The following PYGB variants were observed in gnomAD, a reference collection of about 807,000 sequenced individuals.
PYGB encodes the protein glycogen phosphorylase B, also known as glycogen phosphorylase, brain form.
A neutral mutation model predicts 94.3 loss-of-function variants in PYGB; 82 were observed. The observed-to-expected ratio is 0.87, with a 90% CI of 0.73 to 1.04. The LOEUF (loss-of-function observed/expected upper bound fraction) is 1.04. Among genes scored for constraint, PYGB ranks in the 50% least tolerant of loss-of-function variants. PYGB has a pLI of 0.00. For synonymous variants in PYGB, 488 were observed against 479.1 expected, an observed-to-expected ratio of 1.02 and a Z score of -0.24; for missense variants, 1,132 against 1,158.2, an observed-to-expected ratio of 0.98 and a Z score of 0.33.
In PYGB at chr20:25,281,132, G is replaced by A. The variant is rs182090304; in HGVS notation, c.1403+20G>A. ...GTCGGTGTGAGTGGGGCGCTTGCCC[G>A]AGCGGGGCCAGCTCTGTCTGACACC... is the stretch of plus-strand genomic sequence containing the variant. On this transcript the variant is annotated intron_variant, in intron 11 of 19. Transcript: ENST00000216962. 8 of 1,613,192 alleles carry A rather than the reference G, an allele frequency of 5.0e-6. No homozygotes were observed. In the Admixed American group the frequency reaches 5.0e-5, roughly 10 times the overall value.
chr20:25,253,490 A>G (rs906407361), intron 1 of PYGB, among the ~76,000 whole-genome samples: 3 of 151,898 alleles, frequency 2.0e-5, no homozygotes, highest in African/African-American at 7.3e-5. Flanking sequence ...GGTCTCTATT[A>G]AAAATACAAA....
At position 25,296,753 on chromosome 20, in the gene PYGB, G is replaced by T. The variant is rs2088553487; in HGVS notation, c.*231G>T. 1 of 578,346 alleles carries T rather than the reference G, an allele frequency of 1.7e-6. No individual in the cohort carries two copies. The highest frequency in any genetic ancestry group is 2.9e-6 in the Non-Finnish European group (1 of 341,884). The allele number at this position is 578,346 out of a possible 1,614,324, so 35.8% of individuals were successfully genotyped here. A position where few individuals can be genotyped will look rare whatever the true frequency, so the allele number is the denominator to read the frequency against. On this transcript the variant is annotated 3_prime_UTR_variant, in exon 20 of 20. Transcript: ENST00000216962. ...GGAAGCCAGAGTTGACAGTACAAAGGGTCGTGGCCAGCCCTGCAGCTTCAG... is the reference window on the plus strand; with the variant it reads ...GGAAGCCAGAGTTGACAGTACAAAGTGTCGTGGCCAGCCCTGCAGCTTCAG...
chr20:25,294,038 A>G (rs2088501043), intron 17 of PYGB, 120 bp from the exon 18 acceptor site: 2 of 1,378,526 alleles, frequency 1.5e-6, no homozygotes, highest in Non-Finnish European at 9.9e-7. Flanking sequence ...TGGACCGTGC[A>G]GGCCTTGAGC....
intron 13 of PYGB, 148 bp from the exon 14 acceptor site, chr20:25,283,954 TGG>T (rs2088393235): frequency 3.5e-6 from 3 of 856,494 alleles, no homozygotes; most frequent in Non-Finnish European, 5.3e-6. Flanking sequence ...AGAAGACCCC[TGG>T]TGCAATCTCT....
chr20:25,271,131 C>T (rs2123548898), intron 3 of PYGB, among the ~76,000 whole-genome samples: 1 of 152,292 alleles, frequency 6.6e-6, no homozygotes, highest in African/African-American at 2.4e-5. Context: ...GGTTCCAGGC[C>T]TGGCCGAGTT....
At chr20:25,292,210 G>A (rs6107023) in intron 16 of PYGB, among the ~76,000 whole-genome samples, 196 bp from the exon 17 acceptor site, 1 of 152,178 alleles carries the variant, frequency 6.6e-6, no homozygotes, top group Admixed American at 6.5e-5. Flanking sequence ...TCACGAAGGG[G>A]AGCCCTGCAG....
At chr20:25,283,363 A>T in intron 13 of PYGB, 86 bp downstream of exon 13, 5 of 1,203,042 alleles carry the variant, frequency 4.2e-6, no homozygotes, top group Non-Finnish European at 5.9e-6. Context: ...CTACAGGCCC[A>T]GCACAGGTCC....
chr20:25,262,121 A>G lies in PYGB; in HGVS notation c.345+2783A>G, dbSNP rs2092914897. Reference sequence around the variant, plus strand: ...AGGCCAACACTCAAATACAGGAAATACAGAAAACGCCACAAAGATACTCCT... The same window carrying G: ...AGGCCAACACTCAAATACAGGAAATGCAGAAAACGCCACAAAGATACTCCT... On this transcript the variant is annotated intron_variant, in intron 2 of 19. Transcript: ENST00000216962. Among the ~76,000 whole-genome samples the G allele has an allele frequency of 3.3e-5, 5 of 152,210 alleles. No individual in the cohort carries two copies. The South Asian group carries it at 1.0e-3, about 32-fold the overall frequency.
chr20:25,280,238 C>G, intron 9 of PYGB, 28 bp from the exon 10 acceptor site: 1 of 1,607,484 alleles, frequency 6.2e-7, no homozygotes, highest in Non-Finnish European at 8.5e-7. Flanking sequence ...TCTAAACAAA[C>G]ACATGGGAAC....
intron 1 of PYGB, among the ~76,000 whole-genome samples, chr20:25,256,386 T>TA (rs796327825): frequency 0.018 from 2,528 of 140,250 alleles, 49 homozygotes; most frequent in African/African-American, 0.053. Context: ...TAAACTCTGT[T>TA]AAAAAAAAAA....
At chr20:25,295,037 TAAAG>T (rs775751716) in intron 18 of PYGB, 15 of 1,614,190 alleles carry the variant, frequency 9.3e-6, no homozygotes, top group Non-Finnish European at 1.3e-5. Flanking sequence ...AGGTCTGTGA[TAAAG>T]GAAGTGCTTT....
chr20:25,278,042 G>A (rs1156598580), intron 7 of PYGB, among the ~76,000 whole-genome samples: 1 of 152,236 alleles, frequency 6.6e-6, no homozygotes, highest in African/African-American at 2.4e-5. Context: ...CCCAGGTACA[G>A]AATGTTCCAG....
intron 13 of PYGB, 42 bp downstream of exon 13, chr20:25,283,319 A>C: frequency 6.4e-7 from 1 of 1,552,350 alleles, no homozygotes; most frequent in Non-Finnish European, 8.9e-7. Flanking sequence ...CAGCCCTCCC[A>C]CAACCAGGCA....
At chr20:25,287,549 TAAG>T (rs1421764676) in intron 14 of PYGB, among the ~76,000 whole-genome samples, 38 of 152,156 alleles carry the variant, frequency 2.5e-4, no homozygotes, top group Non-Finnish European at 1.2e-4. Flanking sequence ...CTTGGGAGGC[TAAG>T]GAGGGGAAGA....
At chr20:25,287,785 GC>G (rs2088430621) in intron 14 of PYGB, among the ~76,000 whole-genome samples, 1 of 152,180 alleles carries the variant, frequency 6.6e-6, no homozygotes, top group Non-Finnish European at 1.5e-5. Flanking sequence ...TTTGAAACCA[GC>G]CTGGGCAATG....
At chr20:25,295,459 T>C in intron 18 of PYGB, 145 bp from the exon 19 acceptor site, 3 of 866,308 alleles carry the variant, frequency 3.5e-6, no homozygotes, top group South Asian at 3.1e-5. Flanking sequence ...GCAGCCTGGC[T>C]CTGACCAGCT....
At chr20:25,294,423 C>T (rs2145903498) in intron 18 of PYGB, 131 bp downstream of exon 18, 2 of 1,192,734 alleles carry the variant, frequency 1.7e-6, no homozygotes, top group South Asian at 3.0e-5. Context: ...CCACTGTGCC[C>T]ATGAGACCTT....
chr20:25,277,075 G>C (rs1307749917), intron 6 of PYGB, among the ~76,000 whole-genome samples, 169 bp from the exon 7 acceptor site: 1 of 152,098 alleles, frequency 6.6e-6, no homozygotes, highest in African/African-American at 2.4e-5. Flanking sequence ...GGAGCTGCAG[G>C]AGGGATCACG....
At chr20:25,264,531 A>T (rs954384954) in intron 2 of PYGB, among the ~76,000 whole-genome samples, 1 of 152,290 alleles carries the variant, frequency 6.6e-6, no homozygotes, top group East Asian at 1.9e-4. Flanking sequence ...AAACCCCATC[A>T]TCTCAGCCCC....
Sources: gnomAD v4.1 joint callset for allele counts (sites outside exome capture counted in the v4.1 genomes callset) on GRCh38, gnomAD v4.1.1 for gene constraint, MANE v1.5 for transcripts, NCBI Gene and HGNC (gene_info 2026-07-23, HGNC 2026-07-21) for gene names.